Variants in ARHGAP32 observed in about 807,000 individuals in gnomAD.
ARHGAP32 encodes rho GTPase-activating protein 32.
Under a neutral mutation model 186.5 loss-of-function variants are expected in ARHGAP32, and 51 were observed. That is an observed-to-expected ratio of 0.27 (90% CI 0.22 to 0.35). The LOEUF is 0.35. Ranked by LOEUF, ARHGAP32 falls within the 10% of genes least tolerant of loss-of-function variation. The pLI is 1.00. For synonymous variants in ARHGAP32, 950 were observed against 964.3 expected (o/e 0.99, Z 0.27); for missense variants, 2,186 against 2,623.5 (o/e 0.83, Z 3.64).
intron 10 of ARHGAP32, among the ~76,000 whole-genome samples, chr11:129,045,371 T>A (rs1381903900): frequency 6.6e-6 from 1 of 152,204 alleles, no homozygotes; most frequent in Non-Finnish European, 1.5e-5. Flanking sequence ...ATCCATCATC[T>A]TTTCCGCTCA....
intron 5 of ARHGAP32, among the ~76,000 whole-genome samples, chr11:129,121,188 T>C (rs1169410574): frequency 1.3e-5 from 2 of 151,996 alleles, no homozygotes; most frequent in South Asian, 2.1e-4. Context: ...GTTTTTTTTT[T>C]CTTTAAATGG....
At chr11:128,984,601 T>C (rs1388029147) in intron 15 of ARHGAP32, among the ~76,000 whole-genome samples, 1 of 152,092 alleles carries the variant, frequency 6.6e-6, no homozygotes, top group East Asian at 1.9e-4. Context: ...ATATAAGTTA[T>C]AGTGAAGAAA....
At chr11:129,151,379 C>T (rs1027513608) in intron 2 of ARHGAP32, among the ~76,000 whole-genome samples, 1 of 152,104 alleles carries the variant, frequency 6.6e-6, no homozygotes, top group African/African-American at 2.4e-5. Flanking sequence ...ATGGATTTAA[C>T]AGATATTTAC....
At chr11:129,016,397 C>T (rs1305689662) in intron 11 of ARHGAP32, among the ~76,000 whole-genome samples, 1 of 152,154 alleles carries the variant, frequency 6.6e-6, no homozygotes, top group Non-Finnish European at 1.5e-5. Flanking sequence ...AAGTCATAAA[C>T]ATATTGCCCT....
chr11:129,127,766 A>T (rs375395023), intron 2 of ARHGAP32, among the ~76,000 whole-genome samples: 4 of 90,840 alleles, frequency 4.4e-5, no homozygotes, highest in African/African-American at 1.4e-4. Context: ...TTATTCATAA[A>T]AATAACAAGT....
intron 6 of ARHGAP32, among the ~76,000 whole-genome samples, chr11:129,069,066 T>C (rs1013879141): frequency 1.1e-4 from 16 of 152,102 alleles, no homozygotes; most frequent in African/African-American, 3.9e-4. Flanking sequence ...ATCCATTATA[T>C]CTTCTGATTT....
intron 12 of ARHGAP32, among the ~76,000 whole-genome samples, chr11:128,996,219 A>G (rs1946195601): frequency 6.6e-6 from 1 of 152,150 alleles, no homozygotes; most frequent in African/African-American, 2.4e-5. Context: ...ATTTTTCTGT[A>G]TTTTGTTTAT....
chr11:129,102,886 C>A (rs1219590979), intron 5 of ARHGAP32, among the ~76,000 whole-genome samples: 1 of 152,100 alleles, frequency 6.6e-6, no homozygotes, highest in Non-Finnish European at 1.5e-5. Flanking sequence ...ATACACCCCC[C>A]AAAGACAAAA....
Position 128,971,004 on chromosome 11 carries a change from A to G in ARHGAP32, c.4209T>C (p.Gly1403=), listed in dbSNP as rs767491024. The G allele has an allele frequency of 2.3e-5, 37 of 1,613,618 alleles. No individual in the cohort carries two copies. The South Asian group carries it at 4.1e-4, about 18-fold the overall frequency. The stretch of plus-strand genomic sequence containing the variant: ...GCAGGTGCAGCAGCGGGACCCGGGC[A>G]CCGTCCCGCACTTTCTCAGGCAGGC... ...QPGLPEKVRD[G]ARVPLLHLRA... Residue 1403 remains glycine (G), a synonymous_variant, in exon 23 of 23, where the codon GGT becomes GGC. Coordinates refer to ENST00000682385, the MANE Select transcript of ARHGAP32 (RefSeq NM_001378024.1).
At chr11:129,239,099 C>T (rs988668050) in intron 1 of ARHGAP32, among the ~76,000 whole-genome samples, 1 of 152,166 alleles carries the variant, frequency 6.6e-6, no homozygotes, top group Non-Finnish European at 1.5e-5. Context: ...ATCCTCCCAC[C>T]TCAACCTACC....
rs1437901533 is a variant in ARHGAP32 at position 128,973,449 on chromosome 11, A to G, written c.3074-17T>C. The stretch of plus-strand genomic sequence containing the variant: ...TAACTGCTCCTAGTGGGAAATTGGG[A>G]AAAAAAATGAGAGTGAAAAGGTAGC... On this transcript the variant is annotated splice_polypyrimidine_tract_variant and intron_variant, in intron 21 of 22. Transcript: ENST00000682385. 5 of 1,606,538 alleles carry G rather than the reference A, an allele frequency of 3.1e-6. No homozygotes were observed. The highest frequency in any genetic ancestry group is 2.6e-6 in the Non-Finnish European group (3 of 1,175,072).
chr11:129,066,973 T>G, intron 6 of ARHGAP32, 105 bp from the exon 7 acceptor site: 3 of 981,062 alleles, frequency 3.1e-6, no homozygotes, highest in South Asian at 3.6e-5. Flanking sequence ...TTTTATATTT[T>G]CTAATGAGAA....
intron 6 of ARHGAP32, among the ~76,000 whole-genome samples, chr11:129,073,473 G>T (rs1465050518): frequency 2.6e-5 from 4 of 152,090 alleles, no homozygotes; most frequent in African/African-American, 9.7e-5. Flanking sequence ...TTAGTTGACT[G>T]GACACAGCTG....
intron 15 of ARHGAP32, among the ~76,000 whole-genome samples, chr11:128,985,297 T>A (rs1039665971): frequency 1.3e-5 from 2 of 152,108 alleles, no homozygotes; most frequent in African/African-American, 4.8e-5. Context: ...GGATTACAGG[T>A]GTAAGCCATG....
chr11:129,235,144 C>T (rs975581639), intron 1 of ARHGAP32, among the ~76,000 whole-genome samples: 2 of 152,134 alleles, frequency 1.3e-5, no homozygotes, highest in Admixed American at 6.6e-5. Context: ...GAGTGTGGCC[C>T]TGCTGACATC....
At chr11:129,146,976 G>C (rs1260099872) in intron 2 of ARHGAP32, among the ~76,000 whole-genome samples, 2 of 151,924 alleles carry the variant, frequency 1.3e-5, no homozygotes, top group African/African-American at 4.8e-5. Flanking sequence ...TGAGAAAAAA[G>C]GGTCCCTAAC....
At chr11:129,024,202 A>G (rs1480732582) in intron 11 of ARHGAP32, 1 of 984,564 alleles carries the variant, frequency 1.0e-6, no homozygotes, top group African/African-American at 1.7e-5. Context: ...TTGCAACACC[A>G]CAGAAACGCC....
In ARHGAP32 at chr11:128,968,398, C is replaced by G. The variant is rs1190165164; in HGVS notation, c.*509G>C. ...ATTTTTCCACGACTCTAACTGAACA[C>G]AAGATCCTTCTCAGACGGGGAGAAT... On this transcript the variant is annotated 3_prime_UTR_variant, in exon 23 of 23. Coordinates refer to ENST00000682385, the MANE Select transcript of ARHGAP32 (RefSeq NM_001378024.1). 1.3e-5 allele frequency: 2 copies of G among 152,184 alleles called. No homozygotes were observed. The highest frequency in any genetic ancestry group is 3.8e-4 in the East Asian group (2 of 5,200). The allele number at this position is 152,184 out of a possible 1,614,324, so 9.4% of individuals were successfully genotyped here.
intron 1 of ARHGAP32, among the ~76,000 whole-genome samples, chr11:129,229,113 A>C (rs1461336084): frequency 6.6e-6 from 1 of 152,104 alleles, no homozygotes; most frequent in Non-Finnish European, 1.5e-5. Flanking sequence ...AAAAATCTAA[A>C]CTCTGTATTT....
Sources: gnomAD v4.1 joint callset for allele counts (sites outside exome capture counted in the v4.1 genomes callset) on GRCh38, gnomAD v4.1.1 for gene constraint, MANE v1.5 for transcripts, NCBI Gene and HGNC (gene_info 2026-07-23, HGNC 2026-07-21) for gene names.